MSN: variants seen among roughly 807,000 people sequenced by gnomAD.
MSN encodes the protein moesin.
Under a neutral mutation model 48.0 loss-of-function variants are expected in MSN, and 2 were observed. The ratio of observed to expected loss-of-function variants is 0.04; its 90% CI spans 0.02 to 0.13. MSN has a LOEUF of 0.13. MSN is among the 10% of genes least tolerant of loss of function. The probability of loss-of-function intolerance (pLI) is 1.00; values close to 1 mark genes in which losing one functional copy is unlikely to be tolerated. For missense variants in MSN, 267 were observed against 470.1 expected (o/e 0.57, Z 3.99); for synonymous variants, 146 against 166.9 (o/e 0.87, Z 0.97).
intron 1 of MSN, 159 bp from the exon 2 acceptor site, chrX:65,716,659 G>A: frequency 2.1e-6 from 1 of 473,568 alleles, no homozygotes. Flanking sequence ...CAGGGGTTGT[G>A]TTTGGGTCAA....
intron 1 of MSN, among the ~76,000 whole-genome samples, chrX:65,635,750 C>A (rs2070593554): frequency 8.9e-6 from 1 of 111,977 alleles, no homozygotes; most frequent in Non-Finnish European, 1.9e-5. Context: ...ACGCTGTCCC[C>A]AGATTGGGAC....
rs1172407741 is a variant in MSN, at chrX:65,695,106, GT to G, written c.13-21711del. On this transcript the variant is annotated intron_variant, in intron 1 of 12. Transcript: ENST00000360270. ...CGTGTGTGTGTGTGTGTGTGTGTGTGTGTGGTGGTGGTGGTGGTGGAGTATA... is the reference window on the plus strand; with the variant it reads ...CGTGTGTGTGTGTGTGTGTGTGTGTGGTGGTGGTGGTGGTGGTGGAGTATA... Among the ~76,000 whole-genome samples, 50 of 82,212 alleles carry G rather than the reference GT, an allele frequency of 6.1e-4. No individual in the cohort carries two copies. The African/African-American group carries it at 0.011, about 18-fold the overall frequency. 71.4% of individuals were successfully genotyped at this position (82,212 alleles called of 115,157 possible).
chrX:65,677,117 T>C (rs2071007547), intron 1 of MSN, among the ~76,000 whole-genome samples: 1 of 111,824 alleles, frequency 8.9e-6, no homozygotes, highest in African/African-American at 3.3e-5. Flanking sequence ...CGTGAGGCAC[T>C]GCGCCTGGCT....
chrX:65,649,858 C>G (rs2070727522), intron 1 of MSN, among the ~76,000 whole-genome samples: 1 of 107,114 alleles, frequency 9.3e-6, no homozygotes, highest in South Asian at 4.1e-4. Flanking sequence ...AAACAGACCA[C>G]TACCACCACC....
intron 1 of MSN, among the ~76,000 whole-genome samples, chrX:65,692,607 C>T (rs2071185117): frequency 8.9e-6 from 1 of 112,489 alleles, no homozygotes. Context: ...CCTGTTGGAC[C>T]AGTTTTTGTA....
rs1168314050 is a variant in MSN, at chrX:65,630,313, C to T, written c.-22+41701C>T. Among the ~76,000 whole-genome samples, 3 of 111,984 alleles carry T rather than the reference C, an allele frequency of 2.7e-5. No individual in the cohort carries two copies. In the East Asian group the frequency reaches 8.3e-4, roughly 31 times the overall value. On this transcript the variant is annotated intron_variant, in intron 1 of 3. Coordinates refer to the MSN transcript ENST00000609672. ...TAAAGGCTGGGTGCAGTAATTCACA[C>T]TTATAATCCCAGCATTTTGGGAGGC...
At position 65,710,423 on chromosome X, in the gene MSN, G is replaced by T. The variant is rs1016132119; in HGVS notation, c.13-6395G>T. On this transcript the variant is annotated intron_variant, in intron 1 of 12. Coordinates refer to ENST00000360270, the MANE Select transcript of MSN (RefSeq NM_002444.3). ...ATTTATAGGAAGCTCCTTAACCTGG[G>T]GTCCTCAGACCTCTATGGGGTCCAT... 5.4e-5 allele frequency among the ~76,000 whole-genome samples: 6 copies of T among 111,339 alleles called. No individual in the cohort carries two copies. The South Asian group carries it at 1.5e-3, about 28-fold the overall frequency.
chrX:65,620,383 G>C (rs1156511495), intron 1 of MSN, among the ~76,000 whole-genome samples: 2 of 113,822 alleles, frequency 1.8e-5, no homozygotes, highest in South Asian at 3.5e-4. Context: ...AGGAACCTCC[G>C]AGCCAGGTGC....
intron 1 of MSN, among the ~76,000 whole-genome samples, chrX:65,636,776 C>CAAAAAAAAAAA (rs2070604946): frequency 2.4e-5 from 2 of 82,891 alleles, no homozygotes; most frequent in African/African-American, 1.2e-4. Context: ...AAAAAAAAAC[C>CAAAAAAAAAAA]AGAAAGAAAG....
upstream of MSN, among the ~76,000 whole-genome samples, chrX:65,662,739 T>TAC (rs1443235825): frequency 1.8e-5 from 2 of 112,370 alleles, no homozygotes; most frequent in African/African-American, 6.5e-5. Flanking sequence ...GAAAAATTTT[T>TAC]GTCTACGTCT....
intron 1 of MSN, among the ~76,000 whole-genome samples, chrX:65,710,949 A>G (rs2071408000): frequency 9.9e-6 from 1 of 100,961 alleles, no homozygotes. Context: ...CAGTGACGTG[A>G]TCTTGGCTCA....
At chrX:65,626,755 G>T (rs756782254) in intron 1 of MSN, among the ~76,000 whole-genome samples, 1 of 111,692 alleles carries the variant, frequency 9.0e-6, no homozygotes, top group East Asian at 2.8e-4. Flanking sequence ...ACTTATCCAG[G>T]CTTACACTGA....
At chrX:65,632,895 A>G (rs917947519) in intron 1 of MSN, among the ~76,000 whole-genome samples, 1 of 112,242 alleles carries the variant, frequency 8.9e-6, no homozygotes, top group Non-Finnish European at 1.9e-5. Flanking sequence ...GTCATGATCC[A>G]AAAAATATGG....
chrX:65,733,583 G>A (rs2071644565), intron 7 of MSN, among the ~76,000 whole-genome samples: 1 of 112,295 alleles, frequency 8.9e-6, no homozygotes, highest in Admixed American at 9.4e-5. Flanking sequence ...CTGCCCTGAG[G>A]TTCTGGGGTG....
chrX:65,674,778 C>T (rs2070979864), intron 1 of MSN, among the ~76,000 whole-genome samples: 2 of 111,352 alleles, frequency 1.8e-5, no homozygotes, highest in South Asian at 7.5e-4. Context: ...AAGCCTGGGG[C>T]AGGAAGCTAA....
chrX:65,729,991 G>C (rs751402404), intron 4 of MSN, among the ~76,000 whole-genome samples: 4 of 112,315 alleles, frequency 3.6e-5, no homozygotes, highest in African/African-American at 1.3e-4. Flanking sequence ...CAGAGATTGA[G>C]TAATTTCTTT....
At chrX:65,712,197 C>T (rs1337112356) in intron 1 of MSN, among the ~76,000 whole-genome samples, 1 of 111,664 alleles carries the variant, frequency 9.0e-6, no homozygotes, top group Non-Finnish European at 1.9e-5. Context: ...CTAACCTTGC[C>T]TTACTCCCAC....
intron 1 of MSN, among the ~76,000 whole-genome samples, chrX:65,610,542 T>G (rs1168745231): frequency 4.4e-5 from 5 of 112,396 alleles, no homozygotes; most frequent in Non-Finnish European, 9.4e-5. Context: ...TTTTGGCTAT[T>G]GTGAATAATG....
intron 1 of MSN, among the ~76,000 whole-genome samples, chrX:65,599,036 C>T (rs767167183): frequency 1.8e-5 from 2 of 111,117 alleles, no homozygotes; most frequent in East Asian, 2.8e-4. Flanking sequence ...CCGGTAATCC[C>T]GGCACTTTGG....
Sources: gnomAD v4.1 joint callset for allele counts (sites outside exome capture counted in the v4.1 genomes callset) on GRCh38, gnomAD v4.1.1 for gene constraint, MANE v1.5 for transcripts, NCBI Gene and HGNC (gene_info 2026-07-23, HGNC 2026-07-21) for gene names.